BCO1: variants seen among roughly 807,000 people sequenced by gnomAD.
BCO1 encodes beta,beta-carotene 15,15'-dioxygenase.
A neutral mutation model predicts 56.3 loss-of-function variants in BCO1; 54 were observed. That is an observed-to-expected ratio of 0.96 (90% CI 0.77 to 1.20). The LOEUF (loss-of-function observed/expected upper bound fraction) is 1.20. Among genes scored for constraint, BCO1 ranks in the 50% most tolerant of loss-of-function variants. BCO1 has a pLI of 0.00. For synonymous variants in BCO1, 318 were observed against 266.1 expected (o/e 1.20, Z -1.90); for missense variants, 801 against 690.9 (o/e 1.16, Z -1.79).
chr16:81,249,398 AG>A, intron 2 of BCO1, among the ~76,000 whole-genome samples: 1 of 151,996 alleles, frequency 6.6e-6, no homozygotes, highest in Non-Finnish European at 1.5e-5. Flanking sequence ...CTGGGACTAC[AG>A]GCTCCCACCA....
Position 81,267,923 on chromosome 16 carries a change from G to T in BCO1, c.635G>T (p.Gly212Val), listed in dbSNP as rs531421974. 20 of 1,613,862 alleles carry T rather than the reference G, an allele frequency of 1.2e-5. No individual in the cohort carries two copies. The highest frequency in any genetic ancestry group is 2.2e-5 in the East Asian group (1 of 44,868). Residue 212 changes from glycine to valine, a missense_variant, in exon 6 of 11, where the codon GGG (glycine) becomes GTG (valine). Transcript: ENST00000258168. ...GTCTTGCTAGAGGGCAAGAAGCAGG[G>T]GAAGAGCCCCTGGAAGCACACAGAG... ...PATVPEGKKQ[G>V]KSPWKHTEVF...
chr16:81,290,559 C>A lies in BCO1; in HGVS notation c.1626C>A (p.His542Gln), dbSNP rs199638187. The A allele has an allele frequency of 1.2e-6, 2 of 1,613,460 alleles. No individual in the cohort carries two copies. The highest frequency in any genetic ancestry group is 2.7e-5 in the African/African-American group (2 of 74,894). Residue 542 changes from histidine (H) to glutamine (Q), a missense_variant, in exon 11 of 11, where the codon CAC (histidine) becomes CAA (glutamine). His to Gln is a conservative substitution (Grantham distance 24, BLOSUM62 0). Coordinates refer to ENST00000258168, the MANE Select transcript of BCO1 (RefSeq NM_017429.3). Reference sequence around the variant, plus strand: ...AGCGGGACAGGGCTTCCGACTGCCACGGGGCTCCTCTGACCTGATGGTGTT... The same window carrying A: ...AGCGGGACAGGGCTTCCGACTGCCAAGGGGCTCCTCTGACCTGATGGTGTT... ...EEQRDRASDC[H>Q]GAPLT
At chr16:81,253,211 A>G (rs1905917937) in intron 2 of BCO1, among the ~76,000 whole-genome samples, 1 of 152,072 alleles carries the variant, frequency 6.6e-6, no homozygotes, top group Non-Finnish European at 1.5e-5. Flanking sequence ...AGATTAAGAG[A>G]CCTGCCCAAG....
At chr16:81,279,086 G>A (rs1203626198) in intron 7 of BCO1, among the ~76,000 whole-genome samples, 1 of 151,510 alleles carries the variant, frequency 6.6e-6, no homozygotes, top group Non-Finnish European at 1.5e-5. Flanking sequence ...AGACCAAGCT[G>A]GGCAACATAG....
intron 8 of BCO1, among the ~76,000 whole-genome samples, chr16:81,285,167 C>G (rs1377141262): frequency 6.6e-6 from 1 of 152,212 alleles, no homozygotes; most frequent in Non-Finnish European, 1.5e-5. Context: ...CACATATGTG[C>G]ACATGCACGC....
At chr16:81,283,640 T>G (rs1413314649) in intron 8 of BCO1, among the ~76,000 whole-genome samples, 1 of 152,140 alleles carries the variant, frequency 6.6e-6, no homozygotes, top group Non-Finnish European at 1.5e-5. Flanking sequence ...GGCCTGTCCC[T>G]TGGAAGTTTC....
intron 1 of BCO1, among the ~76,000 whole-genome samples, chr16:81,239,725 G>A (rs1358796151): frequency 1.3e-5 from 2 of 152,194 alleles, no homozygotes; most frequent in Non-Finnish European, 2.9e-5. Context: ...GAACTCACAG[G>A]TGTGAGCTCC....
At position 81,281,019 on chromosome 16, in the gene BCO1, C is replaced by A. The variant is rs959891642; in HGVS notation, c.1207+57C>A. The A allele has an allele frequency of 2.4e-6, 3 of 1,257,812 alleles. No homozygotes were observed. In the African/African-American group the frequency reaches 4.4e-5, roughly 19 times the overall value. 77.9% of individuals were successfully genotyped at this position (1,257,812 alleles called of 1,614,324 possible). The stretch of plus-strand genomic sequence containing the variant: ...AAAGGGGCAGATTTTCACAGGGAGC[C>A]CAGAGGCCTCTTTACATAATAATTC... On this transcript the variant is annotated intron_variant, in intron 8 of 10. Coordinates refer to ENST00000258168, the MANE Select transcript of BCO1 (RefSeq NM_017429.3).
At chr16:81,252,990 T>C (rs1905904082) in intron 2 of BCO1, among the ~76,000 whole-genome samples, 1 of 152,124 alleles carries the variant, frequency 6.6e-6, no homozygotes, top group Admixed American at 6.5e-5. Context: ...GCACCTGTCA[T>C]GCCACCTACT....
intron 6 of BCO1, among the ~76,000 whole-genome samples, chr16:81,268,854 G>T (rs767547448): frequency 9.9e-5 from 15 of 150,842 alleles, no homozygotes; most frequent in African/African-American, 1.5e-4. Flanking sequence ...TCACAGCTCA[G>T]TGCACCCTCA....
At chr16:81,261,530 A>G (rs1201738364) in intron 3 of BCO1, among the ~76,000 whole-genome samples, 1 of 152,184 alleles carries the variant, frequency 6.6e-6, no homozygotes, top group Admixed American at 6.5e-5. Context: ...GCTTCTTGAC[A>G]TACTTTGGAA....
rs371931549 is a variant in BCO1, at chr16:81,242,094, T to G, written c.64+3122T>G. On this transcript the variant is annotated intron_variant, in intron 1 of 10. Coordinates refer to ENST00000258168, the MANE Select transcript of BCO1 (RefSeq NM_017429.3). ...TTAATTATATTCTCAGATGCCTCTC[T>G]CCCTGCTCTTTCTCAAGCCTGCCCC... Among the ~76,000 whole-genome samples the G allele has an allele frequency of 3.3e-5, 5 of 151,890 alleles. No individual in the cohort carries two copies. In the East Asian group the frequency reaches 7.8e-4, roughly 24 times the overall value.
chr16:81,259,899 T>C (rs1001188089), intron 3 of BCO1, 94 bp downstream of exon 3: 13 of 1,521,230 alleles, frequency 8.5e-6, no homozygotes, highest in African/African-American at 1.4e-5. Context: ...CAATTCTCTT[T>C]AGGGTAGATG....
intron 10 of BCO1, 126 bp from the exon 11 acceptor site, chr16:81,290,222 A>T: frequency 1.2e-6 from 1 of 805,288 alleles, no homozygotes; most frequent in Non-Finnish European, 2.1e-6. Context: ...CAGTGTCTCA[A>T]ATTCACTCCC....
chr16:81,282,216 C>G (rs533440267), intron 8 of BCO1, among the ~76,000 whole-genome samples: 2 of 151,952 alleles, frequency 1.3e-5, no homozygotes, highest in Non-Finnish European at 2.9e-5. Context: ...ACATCTCTAC[C>G]GAAAATACAA....
chr16:81,285,726 AAG>A (rs1266733471), intron 9 of BCO1, 92 bp downstream of exon 9: 8 of 997,278 alleles, frequency 8.0e-6, no homozygotes, highest in African/African-American at 1.6e-5. Flanking sequence ...TTGATTAGAA[AAG>A]AGGAGGTCAG....
chr16:81,242,778 C>G (rs1428721603), intron 1 of BCO1, among the ~76,000 whole-genome samples: 1 of 152,062 alleles, frequency 6.6e-6, no homozygotes, highest in Non-Finnish European at 1.5e-5. Flanking sequence ...AGTCTGTAGC[C>G]TGTTAGGAAC....
Position 81,287,283 on chromosome 16 carries a change from T to A in BCO1, c.1303-12T>A. The A allele has an allele frequency of 1.3e-6, 2 of 1,579,474 alleles. No individual in the cohort carries two copies. The highest frequency in any genetic ancestry group is 1.7e-6 in the Non-Finnish European group (2 of 1,148,480). On this transcript the variant is annotated splice_polypyrimidine_tract_variant and intron_variant, in intron 9 of 10. Coordinates refer to ENST00000258168, the MANE Select transcript of BCO1 (RefSeq NM_017429.3). Reference sequence around the variant, plus strand: ...CAAGTCATTTATGTGTTTTTCCTCGTTGGATGTACAGATAATAAAATATGA... The same window carrying A: ...CAAGTCATTTATGTGTTTTTCCTCGATGGATGTACAGATAATAAAATATGA...
At chr16:81,268,644 T>G (rs1323776736) in intron 6 of BCO1, among the ~76,000 whole-genome samples, 4 of 152,238 alleles carry the variant, frequency 2.6e-5, no homozygotes, top group Non-Finnish European at 5.9e-5. Flanking sequence ...ACGTATTGCA[T>G]GCTTGTATAT....
Sources: gnomAD v4.1 joint callset for allele counts (sites outside exome capture counted in the v4.1 genomes callset) on GRCh38, gnomAD v4.1.1 for gene constraint, MANE v1.5 for transcripts, NCBI Gene and HGNC (gene_info 2026-07-23, HGNC 2026-07-21) for gene names.